The following ATP6V0A2 variants were observed in gnomAD, a reference collection of about 807,000 sequenced individuals.
ATP6V0A2 encodes the protein V-type proton ATPase 116 kDa subunit a 2.
Under a neutral mutation model 104.4 loss-of-function variants are expected in ATP6V0A2, and 58 were observed. The observed-to-expected ratio is 0.56, with a 90% CI of 0.45 to 0.69. ATP6V0A2 has a LOEUF of 0.69. Among genes scored for constraint, ATP6V0A2 ranks in the 30% least tolerant of loss-of-function variants. The probability of loss-of-function intolerance (pLI) is 0.00; values close to 1 mark genes in which losing one functional copy is unlikely to be tolerated. For synonymous variants in ATP6V0A2, 376 were observed against 397.9 expected, an observed-to-expected ratio of 0.95 and a Z score of 0.65; for missense variants, 938 against 1,062.9, an observed-to-expected ratio of 0.88 and a Z score of 1.63.
Position 123,760,369 on chromosome 12 carries a change from A to G in ATP6V0A2, c.*2337A>G, listed in dbSNP as rs972146372. The G allele has an allele frequency of 8.5e-5, 13 of 152,200 alleles. No individual in the cohort carries two copies. The highest frequency in any genetic ancestry group is 1.6e-4 in the Non-Finnish European group (11 of 68,040). The allele number at this position is 152,200 out of a possible 1,614,324, so 9.4% of individuals were successfully genotyped here. ...CGCTCTCTGGAAATGTAGTTTGATA[A>G]TAGTGTCTTATAGGGGCCACGGGAA... On this transcript the variant is annotated 3_prime_UTR_variant, in exon 20 of 20. Transcript: ENST00000330342.
At position 123,754,412 on chromosome 12, in the gene ATP6V0A2, T is replaced by C. The variant is rs369917228; in HGVS notation, c.2176-8T>C. 1.9e-6 allele frequency: 3 copies of C among 1,580,662 alleles called. No homozygotes were observed. Among genetic ancestry groups the C allele is most frequent in the Non-Finnish European group, 2.6e-6 (3 of 1,149,372 alleles). On this transcript the variant is annotated splice_region_variant and splice_polypyrimidine_tract_variant and intron_variant, in intron 17 of 19. Transcript: ENST00000330342. ...GACTCTTAACATATGTTGTGTGATCTCTCTCAGTTTAATTTTGGAGAAATA... is the reference window on the plus strand; with the variant it reads ...GACTCTTAACATATGTTGTGTGATCCCTCTCAGTTTAATTTTGGAGAAATA...
intron 7 of ATP6V0A2, 44 bp from the exon 8 acceptor site, chr12:123,735,487 T>C (rs745569278): frequency 1.3e-6 from 2 of 1,561,924 alleles, no homozygotes; most frequent in South Asian, 2.2e-5. Flanking sequence ...TGTTTAGTTC[T>C]AGTGCTGACA....
At chr12:123,729,392 C>T (rs1204993393) in intron 6 of ATP6V0A2, among the ~76,000 whole-genome samples, 3 of 134,294 alleles carry the variant, frequency 2.2e-5, no homozygotes, top group Non-Finnish European at 4.6e-5. Context: ...CACATTGTTA[C>T]TGAGGGGTTG....
chr12:123,743,528 C>T (rs1440845679), intron 9 of ATP6V0A2, among the ~76,000 whole-genome samples: 1 of 152,060 alleles, frequency 6.6e-6, no homozygotes, highest in Non-Finnish European at 1.5e-5. Context: ...TTGCATATGC[C>T]TGTAATCCCA....
intron 4 of ATP6V0A2, among the ~76,000 whole-genome samples, chr12:123,725,793 TAA>T (rs34221363): frequency 4.9e-4 from 58 of 117,756 alleles, no homozygotes; most frequent in Admixed American, 8.0e-4. Context: ...ACCCTGTATC[TAA>T]AAAAAAAAAA....
At chr12:123,735,910 C>T (rs1205732293) in intron 8 of ATP6V0A2, among the ~76,000 whole-genome samples, 3 of 152,162 alleles carry the variant, frequency 2.0e-5, no homozygotes, top group African/African-American at 7.2e-5. Context: ...CTCGCTCTGT[C>T]GCCCAGGCTT....
At chr12:123,733,798 C>G in intron 6 of ATP6V0A2, 128 bp from the exon 7 acceptor site, 1 of 752,876 alleles carries the variant, frequency 1.3e-6, no homozygotes, top group Non-Finnish European at 2.4e-6. Flanking sequence ...ATTACAGAAT[C>G]CTCAAATAAG....
chr12:123,746,146 A>G (rs955809498), intron 13 of ATP6V0A2, among the ~76,000 whole-genome samples: 1 of 152,170 alleles, frequency 6.6e-6, no homozygotes, highest in Admixed American at 6.5e-5. Flanking sequence ...TGTTAAGGAA[A>G]GAAATATTTC....
intron 9 of ATP6V0A2, among the ~76,000 whole-genome samples, chr12:123,740,145 A>AAAACAAACAAACAAACAAACAAACAAAC (rs10661679): frequency 6.7e-6 from 1 of 148,620 alleles, no homozygotes; most frequent in East Asian, 2.0e-4. Context: ...CCTTGTCTCA[A>AAAACAAACAAACAAACAAACAAACAAAC]AAACAAACAA....
intron 3 of ATP6V0A2, among the ~76,000 whole-genome samples, chr12:123,722,893 T>C (rs1441650941): frequency 1.3e-5 from 2 of 151,928 alleles, no homozygotes; most frequent in East Asian, 3.9e-4. Flanking sequence ...CTCTAAATTT[T>C]GGAAGCTGGT....
intron 1 of ATP6V0A2, among the ~76,000 whole-genome samples, chr12:123,716,088 T>C (rs914395725): frequency 2.0e-5 from 3 of 151,588 alleles, no homozygotes; most frequent in Non-Finnish European, 4.4e-5. Context: ...TTTTTTGAGA[T>C]GGAGTCTCAA....
chr12:123,744,016 A>G lies in ATP6V0A2; in HGVS notation c.1189+81A>G. ...CTCTAAGAATGGAATAGATATTTGG[A>G]AAGAGAGGCTGACCATTACTTTTTT... is the stretch of plus-strand genomic sequence containing the variant. On this transcript the variant is annotated intron_variant, in intron 10 of 19. Transcript: ENST00000330342. The surrounding 1 kb of genome is among the most constrained non-coding windows in gnomAD (Gnocchi z 5.4). 5 of 1,585,320 alleles carry G rather than the reference A, an allele frequency of 3.2e-6. No individual in the cohort carries two copies. The highest frequency in any genetic ancestry group is 1.7e-5 in the Admixed American group (1 of 59,982).
rs776847603 is a variant in ATP6V0A2 at position 123,730,044 on chromosome 12, C to CTT, written c.648+2162_648+2163dup. On this transcript the variant is annotated intron_variant, in intron 6 of 19. Transcript: ENST00000330342. ...ATTGAAACACCATCAGGAGTTAGGT[C>CTT]TTTTTTTTTTTTTTTTTTTTTTTTT... Among the ~76,000 whole-genome samples, 38 of 70,300 alleles carry CTT rather than the reference C, an allele frequency of 5.4e-4. 1 individual carries two copies. The highest frequency in any genetic ancestry group is 1.1e-3 in the African/African-American group (18 of 15,964). 46.1% of individuals were successfully genotyped at this position (70,300 alleles called of 152,430 possible). A position where few individuals can be genotyped will look rare whatever the true frequency, so the allele number is the denominator to read the frequency against.
At chr12:123,729,991 A>G (rs1400231908) in intron 6 of ATP6V0A2, among the ~76,000 whole-genome samples, 1 of 123,532 alleles carries the variant, frequency 8.1e-6, no homozygotes, top group Non-Finnish European at 1.7e-5. Context: ...GAATTTTTTT[A>G]TTTTTAGTAG....
Position 123,757,072 on chromosome 12 carries a change from C to T in ATP6V0A2, c.2465+86C>T, listed in dbSNP as rs1956772238. ...CCCGCCCAACCAAATATACACAGCC[C>T]CTGCAAAATCTAATGCTGAATTTAG... On this transcript the variant is annotated intron_variant, in intron 19 of 19. Coordinates refer to ENST00000330342, the MANE Select transcript of ATP6V0A2 (RefSeq NM_012463.4). 4 of 1,395,664 alleles carry T rather than the reference C, an allele frequency of 2.9e-6. No individual in the cohort carries two copies. The Middle Eastern group carries it at 6.1e-4, about 212-fold the overall frequency. 86.5% of individuals were successfully genotyped at this position (1,395,664 alleles called of 1,614,324 possible). A position where few individuals can be genotyped will look rare whatever the true frequency, so the allele number is the denominator to read the frequency against.
In ATP6V0A2 at chr12:123,744,525, G is replaced by A. The variant is rs191225192; in HGVS notation, c.1327-72G>A. On this transcript the variant is annotated intron_variant, in intron 11 of 19. Coordinates refer to ENST00000330342, the MANE Select transcript of ATP6V0A2 (RefSeq NM_012463.4). The surrounding 1 kb of genome is among the most constrained non-coding windows in gnomAD (Gnocchi z 5.4). ...TTCTGAGAAGTGAGTGGTGAGGGTCGTGCCCACACCGACAGCTGTCACATG... is the reference window on the plus strand; with the variant it reads ...TTCTGAGAAGTGAGTGGTGAGGGTCATGCCCACACCGACAGCTGTCACATG... 2.2e-4 allele frequency: 343 copies of A among 1,590,382 alleles called. 1 individual carries two copies. The African/African-American group carries it at 3.7e-3, about 17-fold the overall frequency.
At chr12:123,734,888 C>T (rs1337855849) in intron 7 of ATP6V0A2, among the ~76,000 whole-genome samples, 3 of 152,196 alleles carry the variant, frequency 2.0e-5, no homozygotes, top group Non-Finnish European at 4.4e-5. Flanking sequence ...ATACCCAGCT[C>T]AGCAAACCCA....
Position 123,737,155 on chromosome 12 carries a change from A to G in ATP6V0A2, c.922A>G (p.Ile308Val), listed in dbSNP as rs1270361342. 2.5e-6 allele frequency: 4 copies of G among 1,614,118 alleles called. No homozygotes were observed. The highest frequency in any genetic ancestry group is 2.2e-5 in the South Asian group (2 of 91,090). The change falls in exon 9 of 20, where the codon ATC becomes GTC. Residue 308 changes from isoleucine to valine, a missense_variant. Transcript: ENST00000330342. ...GATCCAGGTGAAGAAAATGAAGGCC[A>G]TCTATCACATGCTGAACATGTGCAG... ...RVIQVKKMKAIYHMLNMCSFD... is the reference protein window; with the variant it reads ...RVIQVKKMKAVYHMLNMCSFD...
At position 123,748,662 on chromosome 12, in the gene ATP6V0A2, G is replaced by T. The variant is rs1167221378; in HGVS notation, c.1812G>T (p.Met604Ile). Reference sequence around the variant, plus strand: ...GTATCTTTGGATACCTTATATTTATGATTTTCTACAAGTGGCTGGTTTTTT... The same window carrying T: ...GTATCTTTGGATACCTTATATTTATTATTTTCTACAAGTGGCTGGTTTTTT... ...MLCIFGYLIFMIFYKWLVFSA... is the reference protein window; with the variant it reads ...MLCIFGYLIFIIFYKWLVFSA... The change falls in exon 15 of 20, where the codon ATG becomes ATT. Residue 604 changes from methionine (M) to isoleucine (I), a missense_variant. Transcript: ENST00000330342. The T allele has an allele frequency of 6.2e-7, 1 of 1,613,870 alleles. No individual in the cohort carries two copies.
Sources: allele counts gnomAD v4.1 joint callset (sites outside exome capture counted in the v4.1 genomes callset), GRCh38; gene constraint gnomAD v4.1.1; non-coding constraint Gnocchi (gnomAD v3.1); transcripts MANE v1.5; gene names NCBI Gene and HGNC (gene_info 2026-07-23, HGNC 2026-07-21).